The following VRK2 variants were observed in gnomAD, a reference collection of about 807,000 sequenced individuals.
VRK2 encodes the protein serine/threonine-protein kinase VRK2.
In VRK2, 60 loss-of-function variants were observed where a neutral mutation model predicts 57.6. That is an observed-to-expected ratio of 1.04 (90% CI 0.85 to 1.29). The LOEUF (loss-of-function observed/expected upper bound fraction) is 1.29, where lower values mean the gene tolerates loss of function less well. Ranked by LOEUF, VRK2 falls within the 50% of genes most tolerant of loss-of-function variation. The pLI is 0.00. For missense variants in VRK2, 705 were observed against 588.1 expected, an observed-to-expected ratio of 1.20 and a Z score of -2.06; for synonymous variants, 231 against 199.2, an observed-to-expected ratio of 1.16 and a Z score of -1.35.
intron 1 of VRK2, chr2:58,047,241 G>T (rs1176015933): frequency 1.4e-5 from 4 of 293,330 alleles, no homozygotes; most frequent in Non-Finnish European, 2.0e-5. Flanking sequence ...CAGGCGGCTG[G>T]GCCGCGCTGC....
chr2:57,917,089 A>C (rs1670182630), intron 1 of VRK2, among the ~76,000 whole-genome samples: 1 of 152,174 alleles, frequency 6.6e-6, no homozygotes, highest in African/African-American at 2.4e-5. Flanking sequence ...TTATCCCCTA[A>C]AATTTGCTAA....
At chr2:57,993,800 G>A (rs937625828) in intron 1 of VRK2, among the ~76,000 whole-genome samples, 2 of 152,160 alleles carry the variant, frequency 1.3e-5, no homozygotes, top group African/African-American at 4.8e-5. Flanking sequence ...ATTTTTGTCA[G>A]GAGGCCTGCC....
chr2:57,990,662 GAGA>G (rs1429577576), intron 1 of VRK2, among the ~76,000 whole-genome samples: 5 of 152,140 alleles, frequency 3.3e-5, no homozygotes, highest in African/African-American at 4.8e-5. Context: ...ATCAATTAAA[GAGA>G]AGAACTCATT....
At chr2:57,983,748 G>A (rs911266301) in intron 1 of VRK2, among the ~76,000 whole-genome samples, 1 of 152,256 alleles carries the variant, frequency 6.6e-6, no homozygotes, top group East Asian at 1.9e-4. Context: ...CTGAAATAAT[G>A]ATTACAATAA....
chr2:58,100,736 A>G (rs929392648), intron 7 of VRK2, among the ~76,000 whole-genome samples: 5 of 151,794 alleles, frequency 3.3e-5, no homozygotes, highest in Admixed American at 1.3e-4. Context: ...AATTTGCTAT[A>G]TATCTAGATT....
Position 58,099,056 on chromosome 2 carries a change from A to G in VRK2, c.543+9333A>G, listed in dbSNP as rs979431935. Among the ~76,000 whole-genome samples the G allele has an allele frequency of 2.6e-5, 4 of 152,008 alleles. 1 individual carries two copies. In the South Asian group the frequency reaches 8.3e-4, roughly 31 times the overall value. On this transcript the variant is annotated intron_variant, in intron 7 of 12. Coordinates refer to ENST00000340157, the MANE Select transcript of VRK2 (RefSeq NM_006296.7). ...ACAGTGGCCTTATAAGGGCTGATCT[A>G]GTATTTGGAAAACAAATGTATCCTT...
chr2:58,138,265 C>A (rs1680829629), intron 10 of VRK2, among the ~76,000 whole-genome samples: 2 of 151,814 alleles, frequency 1.3e-5, no homozygotes, highest in South Asian at 2.1e-4. Flanking sequence ...AATTGGATAC[C>A]CCCGAGCCCT....
chr2:57,949,481 T>C (rs955545439), intron 1 of VRK2, among the ~76,000 whole-genome samples: 2 of 152,172 alleles, frequency 1.3e-5, no homozygotes, highest in African/African-American at 4.8e-5. Context: ...ATTATTGTAA[T>C]TGTTTTGGGA....
At chr2:58,044,326 C>A (rs1201448883), upstream of VRK2, among the ~76,000 whole-genome samples, 1 of 152,192 alleles carries the variant, frequency 6.6e-6, no homozygotes, top group East Asian at 1.9e-4. Context: ...GTTACCTAGA[C>A]TCAGCACATG....
intron 1 of VRK2, among the ~76,000 whole-genome samples, chr2:57,941,581 C>G (rs1328528097): frequency 6.6e-6 from 1 of 152,162 alleles, no homozygotes; most frequent in Non-Finnish European, 1.5e-5. Flanking sequence ...ATTGTCTGAC[C>G]TGTCTAAATC....
intron 1 of VRK2, among the ~76,000 whole-genome samples, chr2:57,916,545 GATA>G (rs1003134660): frequency 4.0e-5 from 6 of 151,256 alleles, no homozygotes; most frequent in Non-Finnish European, 7.4e-5. Context: ...TAAGCCCAAT[GATA>G]ATAATAATAA....
Position 58,048,831 on chromosome 2 carries a change from G to C in VRK2, c.-1G>C. On this transcript the variant is annotated 5_prime_UTR_variant, in exon 2 of 13. Transcript: ENST00000340157. ...TCTCACCCCTTCTGCCAACAGAAGT[G>C]ATGCCACCAAAAAGAAATGAAAAAT... is the stretch of plus-strand genomic sequence containing the variant. The C allele has an allele frequency of 6.2e-7, 1 of 1,613,500 alleles. No individual in the cohort carries two copies. The highest frequency in any genetic ancestry group is 2.2e-5 in the East Asian group (1 of 44,818).
At chr2:58,014,379 T>G (rs1230449634) in intron 1 of VRK2, among the ~76,000 whole-genome samples, 1 of 152,226 alleles carries the variant, frequency 6.6e-6, no homozygotes, top group Non-Finnish European at 1.5e-5. Flanking sequence ...TGAGAGCAGA[T>G]TCACTGATTA....
At chr2:58,045,402 G>A (rs977642721), upstream of VRK2, among the ~76,000 whole-genome samples, 3 of 152,174 alleles carry the variant, frequency 2.0e-5, no homozygotes, top group African/African-American at 7.2e-5. Context: ...AAAGGGAGCC[G>A]GGGAAGTGGT....
chr2:58,037,617 A>C (rs1339826384), intron 3 of VRK2, among the ~76,000 whole-genome samples: 1 of 152,266 alleles, frequency 6.6e-6, no homozygotes, highest in South Asian at 2.1e-4. Context: ...CCTACTCAAG[A>C]GTATTCTCAG....
At chr2:57,983,344 T>C (rs1049081584) in intron 1 of VRK2, among the ~76,000 whole-genome samples, 1 of 152,234 alleles carries the variant, frequency 6.6e-6, no homozygotes, top group Non-Finnish European at 1.5e-5. Flanking sequence ...TAAGGACTCA[T>C]TTGATTAGAT....
intron 10 of VRK2, among the ~76,000 whole-genome samples, chr2:58,137,235 T>G (rs1378045015): frequency 3.9e-5 from 2 of 50,722 alleles, no homozygotes; most frequent in Non-Finnish European, 1.0e-4. Context: ...ATATGATACA[T>G]ATATATCATA....
At chr2:58,113,820 C>G (rs995458317) in intron 7 of VRK2, among the ~76,000 whole-genome samples, 5 of 152,182 alleles carry the variant, frequency 3.3e-5, no homozygotes, top group African/African-American at 1.2e-4. Context: ...CTGCAACTCA[C>G]AGGGGATGCG....
intron 1 of VRK2, among the ~76,000 whole-genome samples, chr2:58,004,767 C>A (rs538190305): frequency 6.6e-6 from 1 of 152,112 alleles, no homozygotes; most frequent in East Asian, 1.9e-4. Flanking sequence ...TATCTGAGTA[C>A]TTTCAATAAA....
Sources: gnomAD v4.1 joint callset for allele counts (sites outside exome capture counted in the v4.1 genomes callset) on GRCh38, gnomAD v4.1.1 for gene constraint, MANE v1.5 for transcripts, NCBI Gene and HGNC (gene_info 2026-07-23, HGNC 2026-07-21) for gene names.